Variants in UNC13B observed in about 807,000 individuals in gnomAD.
The protein encoded by UNC13B is protein unc-13 homolog B.
In UNC13B, 144 loss-of-function variants were observed where a neutral mutation model predicts 211.0. That is an observed-to-expected ratio of 0.68 (90% CI 0.60 to 0.78). The LOEUF is 0.78. Among genes scored for constraint, UNC13B ranks in the 30% least tolerant of loss-of-function variants. The probability of loss-of-function intolerance (pLI) is 0.00; values close to 1 mark genes in which losing one functional copy is unlikely to be tolerated. For synonymous variants in UNC13B, 709 were observed against 725.8 expected (o/e 0.98, Z 0.37); for missense variants, 1,777 against 2,002.0 (o/e 0.89, Z 2.14).
At chr9:35,214,109 G>A (rs748049384) in intron 1 of UNC13B, among the ~76,000 whole-genome samples, 4 of 151,994 alleles carry the variant, frequency 2.6e-5, no homozygotes, top group Admixed American at 1.3e-4. Flanking sequence ...AAAAGGAATC[G>A]AAAAAGAAAG....
chr9:35,258,442 T>TGGG (rs1827065051), intron 6 of UNC13B, among the ~76,000 whole-genome samples: 2 of 152,264 alleles, frequency 1.3e-5, no homozygotes, highest in African/African-American at 2.4e-5. Context: ...GTGGTTGTGG[T>TGGG]GGGTGGGATG....
At chr9:35,209,966 A>G (rs954606958) in intron 1 of UNC13B, among the ~76,000 whole-genome samples, 7 of 152,020 alleles carry the variant, frequency 4.6e-5, no homozygotes, top group African/African-American at 1.4e-4. Flanking sequence ...TCAGCCAGTC[A>G]TGTTGGCTCA....
intron 11 of UNC13B, chr9:35,364,517 CT>C (rs879565600): frequency 1.2e-5 from 19 of 1,535,804 alleles, no homozygotes; most frequent in Non-Finnish European, 1.5e-5. Context: ...CCTTTCTGCC[CT>C]TTTTTCTGCT....
intron 11 of UNC13B, among the ~76,000 whole-genome samples, chr9:35,324,501 A>G (rs1398220269): frequency 1.3e-5 from 2 of 152,230 alleles, no homozygotes; most frequent in African/African-American, 4.8e-5. Context: ...CAAGGAATAT[A>G]CTTGAGAAAA....
chr9:35,349,609 G>A (rs555994198), intron 11 of UNC13B, among the ~76,000 whole-genome samples: 1 of 152,280 alleles, frequency 6.6e-6, no homozygotes, highest in South Asian at 2.1e-4. Flanking sequence ...AGGATGGATA[G>A]GGTTCTTAGA....
chr9:35,314,488 C>A (rs1221757908), intron 11 of UNC13B, among the ~76,000 whole-genome samples: 2 of 152,078 alleles, frequency 1.3e-5, no homozygotes, highest in Non-Finnish European at 2.9e-5. Context: ...TTCAGTGTTA[C>A]AAGTTTGAAG....
intron 11 of UNC13B, among the ~76,000 whole-genome samples, chr9:35,337,893 G>C (rs950153761): frequency 6.6e-6 from 1 of 152,212 alleles, no homozygotes; most frequent in Non-Finnish European, 1.5e-5. Flanking sequence ...AACCCAGTTA[G>C]TCTCCACTTA....
intron 1 of UNC13B, among the ~76,000 whole-genome samples, chr9:35,217,588 A>G (rs1027166678): frequency 6.6e-6 from 1 of 151,670 alleles, no homozygotes; most frequent in Non-Finnish European, 1.5e-5. Context: ...ACGGGGTTTC[A>G]CTGTGTTAGC....
chr9:35,385,349 A>G, intron 22 of UNC13B: 1 of 985,450 alleles, frequency 1.0e-6, no homozygotes, highest in Non-Finnish European at 1.2e-6. Flanking sequence ...CAGGATATAC[A>G]GTTAGATTGT....
intron 7 of UNC13B, among the ~76,000 whole-genome samples, chr9:35,282,451 G>C (rs1828552465): frequency 6.6e-6 from 1 of 151,798 alleles, no homozygotes; most frequent in South Asian, 2.1e-4. Flanking sequence ...TTTTGTTTTT[G>C]GGATAGTCTC....
intron 1 of UNC13B, among the ~76,000 whole-genome samples, chr9:35,187,069 C>T (rs900200965): frequency 1.3e-5 from 2 of 152,046 alleles, no homozygotes; most frequent in African/African-American, 2.4e-5. Context: ...ATTCTCTGTC[C>T]GATATTCCGG....
chr9:35,396,555 C>T lies in UNC13B; in HGVS notation c.11388C>T (p.Tyr3796=), dbSNP rs777051872. Residue 3796 remains tyrosine (Y), a synonymous_variant, in exon 27 of 40, where the codon TAC becomes TAT. Coordinates refer to ENST00000635942, the MANE Select transcript of UNC13B (RefSeq NM_001371189.2). ...AGGTGAAGTGGCTCCACAATGAATACGTGCGGGATCTGCCTGTCCTCCAGG... is the reference window on the plus strand; with the variant it reads ...AGGTGAAGTGGCTCCACAATGAATATGTGCGGGATCTGCCTGTCCTCCAGG... ...HFKVKWLHNE[Y]VRDLPVLQGQ... The T allele has an allele frequency of 1.1e-5, 17 of 1,613,996 alleles. No individual in the cohort carries two copies. The highest frequency in any genetic ancestry group is 3.3e-5 in the Admixed American group (2 of 60,002).
chr9:35,263,321 G>A (rs1034823009), intron 7 of UNC13B, among the ~76,000 whole-genome samples: 1 of 146,002 alleles, frequency 6.8e-6, no homozygotes, highest in Non-Finnish European at 1.5e-5. Flanking sequence ...TGAATAATAG[G>A]AACATTTTCA....
At chr9:35,326,173 T>G (rs984319174) in intron 11 of UNC13B, among the ~76,000 whole-genome samples, 1 of 152,186 alleles carries the variant, frequency 6.6e-6, no homozygotes, top group Non-Finnish European at 1.5e-5. Flanking sequence ...TCCTAGTGGG[T>G]GTGAAGTGCT....
chr9:35,352,134 A>T (rs62617831), intron 11 of UNC13B: 188,458 of 1,232,154 alleles, frequency 0.15, 15,344 homozygotes, highest in Admixed American at 0.27. Flanking sequence ...AAGGTGTGTG[A>T]GGGTGAAAAG....
chr9:35,396,931 G>A lies in UNC13B; in HGVS notation c.11526G>A (p.Lys3842=). The change falls in exon 28 of 40, where the codon AAG becomes AAA. Residue 3842 remains lysine, a synonymous_variant. Coordinates refer to ENST00000635942, the MANE Select transcript of UNC13B (RefSeq NM_001371189.2). Reference sequence around the variant, plus strand: ...GTGGGGCCCTGGAACGAGATAAGAAGGATGGAGTAAGTCAGGGGCTTTGGC... The same window carrying A: ...GTGGGGCCCTGGAACGAGATAAGAAAGATGGAGTAAGTCAGGGGCTTTGGC... The part of the protein sequence containing the change: ...FLRGALERDK[K]DGFQQTSEHA... 1 of 1,614,186 alleles carries A rather than the reference G, an allele frequency of 6.2e-7. No individual in the cohort carries two copies. The highest frequency in any genetic ancestry group is 8.5e-7 in the Non-Finnish European group (1 of 1,180,022).
chr9:35,372,018 TC>T (rs1483363566), intron 13 of UNC13B: 1 of 152,970 alleles, frequency 6.5e-6, no homozygotes, highest in Non-Finnish European at 1.5e-5. Flanking sequence ...ATGCCTGTAA[TC>T]CCAGCACTTT....
At chr9:35,372,065 T>A (rs1834163753) in intron 13 of UNC13B, 1 of 152,270 alleles carries the variant, frequency 6.6e-6, no homozygotes, top group African/African-American at 2.4e-5. Context: ...AGGTCAGGAG[T>A]TCGAGACTAG....
At chr9:35,293,283 A>G (rs1829184581) in intron 7 of UNC13B, among the ~76,000 whole-genome samples, 2 of 152,230 alleles carry the variant, frequency 1.3e-5, no homozygotes, top group South Asian at 2.1e-4. Flanking sequence ...TTAGCCTAGC[A>G]AAATAAACAA....
Sources: allele counts gnomAD v4.1 joint callset (sites outside exome capture counted in the v4.1 genomes callset), GRCh38; gene constraint gnomAD v4.1.1; transcripts MANE v1.5; gene names NCBI Gene and HGNC (gene_info 2026-07-23, HGNC 2026-07-21).